UTP20: variants seen among roughly 807,000 people sequenced by gnomAD.
UTP20 encodes the protein small subunit processome component 20 homolog.
A neutral mutation model predicts 329.5 loss-of-function variants in UTP20; 164 were observed. The ratio of observed to expected loss-of-function variants is 0.50; its 90% confidence interval spans 0.44 to 0.57. The LOEUF (loss-of-function observed/expected upper bound fraction) is 0.57. UTP20 is among the 20% of genes least tolerant of loss of function. UTP20 has a pLI of 0.00. For synonymous variants in UTP20, 1,151 were observed against 1,159.3 expected (o/e 0.99, Z 0.14); for missense variants, 3,055 against 3,284.2 (o/e 0.93, Z 1.71).
chr12:101,282,494 G>A (rs1871833126), intron 2 of UTP20, among the ~76,000 whole-genome samples: 1 of 151,966 alleles, frequency 6.6e-6, no homozygotes, highest in Non-Finnish European at 1.5e-5. Context: ...TGACTGGGAT[G>A]GGGCAAGGGG....
At chr12:101,368,978 C>T (rs560902556) in intron 48 of UTP20, among the ~76,000 whole-genome samples, 7 of 152,186 alleles carry the variant, frequency 4.6e-5, no homozygotes, top group South Asian at 2.1e-4. Context: ...TAGCTGATCC[C>T]GGTGCTTTCA....
chr12:101,336,966 TC>T (rs982786539), intron 29 of UTP20, among the ~76,000 whole-genome samples: 12 of 152,210 alleles, frequency 7.9e-5, no homozygotes, highest in African/African-American at 2.4e-4. Context: ...TGAAAGCAGT[TC>T]CCTTCCCTTT....
intron 43 of UTP20, 92 bp downstream of exon 43, chr12:101,357,174 C>A: frequency 8.0e-7 from 1 of 1,253,552 alleles, no homozygotes; most frequent in Non-Finnish European, 1.1e-6. Context: ...TTGGGCCTGT[C>A]TTTAAATTTG....
chr12:101,357,145 C>T (rs770854441), intron 43 of UTP20, 63 bp downstream of exon 43: 12 of 1,472,164 alleles, frequency 8.2e-6, no homozygotes, highest in African/African-American at 2.8e-5. Flanking sequence ...GCAGCTTGAA[C>T]ACTGTAAGTT....
intron 29 of UTP20, 34 bp downstream of exon 29, chr12:101,334,538 G>A: frequency 1.0e-5 from 16 of 1,572,148 alleles, no homozygotes; most frequent in Non-Finnish European, 1.4e-5. Context: ...TTTAAAAAGG[G>A]CAGTGTTTTA....
chr12:101,288,943 A>G lies in UTP20; in HGVS notation c.516-17A>G. 6.3e-7 allele frequency: 1 copy of G among 1,598,140 alleles called. No homozygotes were observed. Among genetic ancestry groups the G allele is most frequent in the Non-Finnish European group, 8.6e-7 (1 of 1,169,176 alleles). ...TTATATGATTAATGAAATGTATCTTATTTTTTTCATGTATAGCATGTACAG... is the reference window on the plus strand; with the variant it reads ...TTATATGATTAATGAAATGTATCTTGTTTTTTTCATGTATAGCATGTACAG... On this transcript the variant is annotated splice_polypyrimidine_tract_variant and intron_variant, in intron 5 of 61. Transcript: ENST00000261637.
intron 25 of UTP20, chr12:101,326,847 T>C (rs962718502): frequency 6.6e-6 from 2 of 304,454 alleles, no homozygotes; most frequent in African/African-American, 2.2e-5. Flanking sequence ...CCTCAGCCCC[T>C]CAGGTAGCTG....
At chr12:101,382,197 G>A (rs1250180676) in intron 58 of UTP20, among the ~76,000 whole-genome samples, 2 of 152,080 alleles carry the variant, frequency 1.3e-5, no homozygotes, top group Non-Finnish European at 2.9e-5. Context: ...TCGAGGCCAG[G>A]AGTTCAAGAC....
Position 101,327,201 on chromosome 12 carries a change from G to A in UTP20, c.3162G>A (p.Gln1054=). Residue 1054 remains glutamine, a synonymous_variant, in exon 26 of 62, where the codon CAG becomes CAA. Transcript: ENST00000261637. ...FLAGTQPEEI[Q]IFLDLLFEPV... is the part of the protein sequence containing the mutation. Reference sequence around the variant, plus strand: ...CCGGGACCCAACCTGAGGAGATCCAGATATTCTTAGACCTGCTGTTTGAAC... The same window carrying A: ...CCGGGACCCAACCTGAGGAGATCCAAATATTCTTAGACCTGCTGTTTGAAC... 6.2e-7 allele frequency: 1 copy of A among 1,611,474 alleles called. No individual in the cohort carries two copies. Among genetic ancestry groups the A allele is most frequent in the Non-Finnish European group, 8.5e-7 (1 of 1,177,860 alleles).
chr12:101,308,424 AAAT>A (rs199761274), intron 18 of UTP20, 81 bp downstream of exon 18: 2,494 of 654,582 alleles, frequency 3.8e-3, no homozygotes, highest in Non-Finnish European at 4.2e-3. Flanking sequence ...GTAGTCACCA[AAAT>A]AATAATAATA....
intron 11 of UTP20, among the ~76,000 whole-genome samples, chr12:101,294,443 A>T (rs1185453693): frequency 6.6e-6 from 1 of 151,994 alleles, no homozygotes; most frequent in Non-Finnish European, 1.5e-5. Context: ...CAATAGAATT[A>T]TATTAGAAAT....
intron 43 of UTP20, among the ~76,000 whole-genome samples, chr12:101,359,207 G>T (rs143646516): frequency 6.6e-6 from 1 of 152,036 alleles, no homozygotes; most frequent in Non-Finnish European, 1.5e-5. Flanking sequence ...GGGATTACAG[G>T]CATGAGCCAC....
chr12:101,304,853 A>T (rs1011505161), intron 15 of UTP20, among the ~76,000 whole-genome samples: 1 of 152,064 alleles, frequency 6.6e-6, no homozygotes, highest in Admixed American at 6.6e-5. Flanking sequence ...CGTATGAGCT[A>T]ACTCCTGGCT....
At chr12:101,353,716 G>A (rs1345268256) in intron 40 of UTP20, among the ~76,000 whole-genome samples, 2 of 151,858 alleles carry the variant, frequency 1.3e-5, no homozygotes, top group African/African-American at 4.8e-5. Context: ...AAAATAAAAA[G>A]AAATTAAAAT....
chr12:101,317,562 C>A lies in UTP20; in HGVS notation c.2637C>A (p.Ile879=). Residue 879 remains isoleucine, a synonymous_variant, in exon 22 of 62, where the codon ATC becomes ATA. Coordinates refer to ENST00000261637, the MANE Select transcript of UTP20 (RefSeq NM_014503.3). The stretch of plus-strand genomic sequence containing the variant: ...GCAAAGGGATGGTGGCAGAGGAAAT[C>A]GAAGAGGAACCTGCCGCAGGAGATG... ...RKGKGMVAEE[I]EEEPAAGDDE... 1.9e-6 allele frequency: 3 copies of A among 1,614,032 alleles called. No individual in the cohort carries two copies. Among genetic ancestry groups the A allele is most frequent in the Non-Finnish European group, 2.5e-6 (3 of 1,180,014 alleles).
chr12:101,290,287 G>T lies in UTP20; in HGVS notation c.735+13G>T. The T allele has an allele frequency of 6.3e-7, 1 of 1,578,950 alleles. No individual in the cohort carries two copies. Among genetic ancestry groups the T allele is most frequent in the Non-Finnish European group, 8.6e-7 (1 of 1,166,304 alleles). On this transcript the variant is annotated intron_variant, in intron 7 of 61. Coordinates refer to ENST00000261637, the MANE Select transcript of UTP20 (RefSeq NM_014503.3). ...CTGTACAGGCCAGGTACATAATGGGGAGGGGTGCTTAGAGTCTATGTGGAT... is the reference window on the plus strand; with the variant it reads ...CTGTACAGGCCAGGTACATAATGGGTAGGGGTGCTTAGAGTCTATGTGGAT...
chr12:101,361,195 G>C (rs1869901820), intron 43 of UTP20, among the ~76,000 whole-genome samples: 1 of 152,176 alleles, frequency 6.6e-6, no homozygotes, highest in South Asian at 2.1e-4. Flanking sequence ...CCTGTAGTAA[G>C]CTCTCAGAAA....
Position 101,379,405 on chromosome 12 carries a change from C to T in UTP20, c.7431C>T (p.Asn2477=). ...HVHSHLRHPH[N]WVWLTAAQIF... ...ATTCTCACCTGAGACATCCACACAA[C>T]TGGGTGTGGCTCACAGCAGCCCAGA... The change falls in exon 57 of 62, where the codon AAC becomes AAT. Residue 2477 remains asparagine, a synonymous_variant. Coordinates refer to ENST00000261637, the MANE Select transcript of UTP20 (RefSeq NM_014503.3). 1 of 1,613,532 alleles carries T rather than the reference C, an allele frequency of 6.2e-7. No individual in the cohort carries two copies. Among genetic ancestry groups the T allele is most frequent in the South Asian group, 1.1e-5 (1 of 91,010 alleles).
chr12:101,315,867 A>G (rs1252634259), intron 21 of UTP20, among the ~76,000 whole-genome samples: 1 of 152,162 alleles, frequency 6.6e-6, no homozygotes, highest in African/African-American at 2.4e-5. Flanking sequence ...GCTTAAGGAT[A>G]AGATCTTAGT....
Sources: gnomAD v4.1 joint callset for allele counts (sites outside exome capture counted in the v4.1 genomes callset) on GRCh38, gnomAD v4.1.1 for gene constraint, MANE v1.5 for transcripts, NCBI Gene and HGNC (gene_info 2026-07-23, HGNC 2026-07-21) for gene names.